Variants in CHI3L2 observed in about 807,000 individuals in gnomAD.
The protein encoded by CHI3L2 is chitinase 3 like 2, also known as chitinase-3-like protein 2.
In CHI3L2, 47 loss-of-function variants were observed where a neutral mutation model predicts 47.3. That is an observed-to-expected ratio of 0.99 (90% CI 0.79 to 1.27). The LOEUF (loss-of-function observed/expected upper bound fraction) is 1.27. CHI3L2 is among the 50% of genes most tolerant of loss of function. The probability of loss-of-function intolerance (pLI) is 0.00; values close to 1 mark genes in which losing one functional copy is unlikely to be tolerated. For missense variants in CHI3L2, 497 were observed against 462.1 expected, an observed-to-expected ratio of 1.08 and a Z score of -0.69; for synonymous variants, 198 against 169.9, an observed-to-expected ratio of 1.17 and a Z score of -1.28.
rs565236558 is a variant in CHI3L2, at chr1:111,241,390, G to A, written c.982G>A (p.Val328Ile). Residue 328 changes from valine to isoleucine, a missense_variant, in exon 9 of 11, where the codon GTC becomes ATC. Transcript: ENST00000369748. Reference sequence around the variant, plus strand: ...CCAGGATCAGCAGGTTCCCTACGCAGTCAAGGGGAACCAGTGGGTGGGCTA... The same window carrying A: ...CCAGGATCAGCAGGTTCCCTACGCAATCAAGGGGAACCAGTGGGTGGGCTA... ...RLQDQQVPYA[V>I]KGNQWVGYDD... 3.1e-6 allele frequency: 5 copies of A among 1,610,714 alleles called. No homozygotes were observed. The South Asian group carries it at 4.4e-5, about 14-fold the overall frequency.
intron 4 of CHI3L2, chr1:111,231,544 A>G (rs1659722458): frequency 2.7e-6 from 1 of 368,084 alleles, no homozygotes; most frequent in Non-Finnish European, 4.8e-6. Context: ...GGCCATGAAC[A>G]ATATTCAGAA....
chr1:111,229,604 C>T lies in CHI3L2; in HGVS notation c.41-248C>T, dbSNP rs2101543657. On this transcript the variant is annotated intron_variant, in intron 1 of 10. Coordinates refer to ENST00000369748, the MANE Select transcript of CHI3L2 (RefSeq NM_004000.3). ...GGCTGAGGCAGGAGAATGGCGTGAA[C>T]CCGGGAGGCGGAGCTTGCAGTGAGC... 7.8e-6 allele frequency: 3 copies of T among 382,408 alleles called. No homozygotes were observed. In the East Asian group the frequency reaches 2.4e-4, roughly 31 times the overall value. The allele number at this position is 382,408 out of a possible 1,614,324, so 23.7% of individuals were successfully genotyped here.
intron 2 of CHI3L2, among the ~76,000 whole-genome samples, 199 bp downstream of exon 2, chr1:111,230,080 C>T (rs1002119801): frequency 6.6e-6 from 1 of 152,060 alleles, no homozygotes; most frequent in African/African-American, 2.4e-5. Context: ...GCCACTCTCT[C>T]TCTCACCCCT....
chr1:111,229,265 A>T (rs1456053719), intron 1 of CHI3L2, among the ~76,000 whole-genome samples: 2 of 152,218 alleles, frequency 1.3e-5, no homozygotes, highest in African/African-American at 4.8e-5. Flanking sequence ...AGCACAGAGC[A>T]TATGATTCAA....
intron 4 of CHI3L2, among the ~76,000 whole-genome samples, chr1:111,233,420 T>G (rs1299279942): frequency 6.6e-6 from 1 of 152,192 alleles, no homozygotes; most frequent in Middle Eastern, 3.2e-3. Flanking sequence ...GAGAGCAGGT[T>G]AATGACAAAG....
chr1:111,229,785 G>A, intron 1 of CHI3L2, 67 bp from the exon 2 acceptor site: 1 of 1,601,554 alleles, frequency 6.2e-7, no homozygotes, highest in Non-Finnish European at 8.5e-7. Flanking sequence ...CATTTTCACT[G>A]CCATTATCTG....
chr1:111,238,989 T>G, intron 8 of CHI3L2, 57 bp downstream of exon 8: 1 of 1,486,046 alleles, frequency 6.7e-7, no homozygotes, highest in Non-Finnish European at 9.0e-7. Context: ...AGATGTTCCA[T>G]CTTCAATTTG....
chr1:111,237,207 T>C (rs1571229184), intron 7 of CHI3L2, among the ~76,000 whole-genome samples: 1 of 152,346 alleles, frequency 6.6e-6, no homozygotes, highest in South Asian at 2.1e-4. Context: ...GACTGGTCTC[T>C]AGGCAAGAAG....
At chr1:111,227,884 T>C in intron 1 of CHI3L2, 115 bp downstream of exon 1, 2 of 1,085,238 alleles carry the variant, frequency 1.8e-6, no homozygotes, top group Non-Finnish European at 2.8e-6. Context: ...CCGTTGACCT[T>C]AGTGTCAAAA....
At position 111,241,863 on chromosome 1, in the gene CHI3L2, G is replaced by T. The variant is rs561319249; in HGVS notation, c.1036-364G>T. ...CTGAGCCTACCAGTTCTTAGACCTT[G>T]GTAAGACATTTGTGTTCCTTTCATG... On this transcript the variant is annotated intron_variant, in intron 9 of 10. Transcript: ENST00000369748. 9.2e-5 allele frequency among the ~76,000 whole-genome samples: 14 copies of T among 152,284 alleles called. No individual in the cohort carries two copies. The South Asian group carries it at 2.9e-3, about 32-fold the overall frequency.
intron 1 of CHI3L2, 160 bp from the exon 2 acceptor site, chr1:111,229,681 CAAAAAAAAAAA>C (rs997929124): frequency 1.5e-4 from 59 of 390,888 alleles, no homozygotes; most frequent in South Asian, 9.9e-4. Flanking sequence ...GACTCCGTCT[CAAAAAAAAAAA>C]AAAAAAAAAA....
chr1:111,242,417 G>T, intron 10 of CHI3L2, 51 bp downstream of exon 10: 1 of 1,524,364 alleles, frequency 6.6e-7, no homozygotes. Flanking sequence ...GGCAGAACAG[G>T]GCACAGGAGA....
chr1:111,230,184 A>C (rs910498146), intron 2 of CHI3L2, among the ~76,000 whole-genome samples: 65 of 152,084 alleles, frequency 4.3e-4, no homozygotes, highest in African/African-American at 1.5e-3. Context: ...ATCCATCCAT[A>C]CATACATACT....
At chr1:111,235,841 G>A in intron 6 of CHI3L2, 78 bp downstream of exon 6, 1 of 1,580,526 alleles carries the variant, frequency 6.3e-7, no homozygotes, top group South Asian at 1.2e-5. Context: ...ATGTTTGACG[G>A]ATGAGGGGAG....
chr1:111,242,396 GC>G, intron 10 of CHI3L2, 30 bp downstream of exon 10: 1 of 1,570,348 alleles, frequency 6.4e-7, no homozygotes, highest in African/African-American at 1.4e-5. Context: ...CTGGGAGTGG[GC>G]AGACAGCTGG....
intron 4 of CHI3L2, among the ~76,000 whole-genome samples, chr1:111,232,672 A>G (rs900613037): frequency 2.6e-5 from 4 of 152,200 alleles, no homozygotes; most frequent in Admixed American, 2.0e-4. Flanking sequence ...TATTGTTGTT[A>G]TTATTAGGTA....
At chr1:111,235,097 A>T in intron 5 of CHI3L2, 40 bp downstream of exon 5, 1 of 1,604,310 alleles carries the variant, frequency 6.2e-7, no homozygotes, top group Admixed American at 1.7e-5. Flanking sequence ...GTCAGATGCC[A>T]CGGTGTACTC....
chr1:111,242,456 A>T, intron 10 of CHI3L2, 90 bp downstream of exon 10: 1 of 1,391,068 alleles, frequency 7.2e-7, no homozygotes, highest in Admixed American at 2.4e-5. Flanking sequence ...ACATATTTGG[A>T]CTAATCCTTT....
intron 8 of CHI3L2, chr1:111,239,486 G>A (rs986255665): frequency 1.3e-5 from 2 of 152,358 alleles, no homozygotes; most frequent in Non-Finnish European, 2.9e-5. Flanking sequence ...AGTGAATGAG[G>A]CCCCAGACAC....
Sources: gnomAD v4.1 joint callset for allele counts (sites outside exome capture counted in the v4.1 genomes callset) on GRCh38, gnomAD v4.1.1 for gene constraint, MANE v1.5 for transcripts, NCBI Gene and HGNC (gene_info 2026-07-23, HGNC 2026-07-21) for gene names.